SNW1: variants seen among roughly 807,000 people sequenced by gnomAD.
SNW1 encodes SNW domain-containing protein 1.
SNW1 carries 9 observed loss-of-function variants against 75.6 expected under a neutral mutation model. The observed-to-expected ratio is 0.12, with a 90% CI of 0.07 to 0.21. SNW1 has a LOEUF of 0.21. SNW1 is among the 10% of genes least tolerant of loss of function. The pLI is 1.00. For missense variants in SNW1, 409 were observed against 670.9 expected (o/e 0.61, Z 4.31); for synonymous variants, 200 against 219.1 (o/e 0.91, Z 0.77).
intron 10 of SNW1, among the ~76,000 whole-genome samples, chr14:77,728,607 A>G (rs1566828132): frequency 6.6e-6 from 1 of 152,136 alleles, no homozygotes. Flanking sequence ...ATTTATATCT[A>G]TCTTCATTTT....
chr14:77,761,048 A>AAGAGAAATGAAGAAGACTGG, intron 1 of SNW1, 66 bp downstream of exon 1: 1 of 1,614,158 alleles, frequency 6.2e-7, no homozygotes, highest in Non-Finnish European at 8.5e-7. Flanking sequence ...AGGGTATGGG[A>AAGAGAAATGAAGAAGACTGG]AGAGAAATGA....
intron 11 of SNW1, among the ~76,000 whole-genome samples, chr14:77,722,221 A>G (rs1309765097): frequency 6.6e-6 from 1 of 152,168 alleles, no homozygotes; most frequent in East Asian, 1.9e-4. Context: ...TTTAGTCCTC[A>G]GCCTTTGGTG....
At chr14:77,722,947 C>A in intron 11 of SNW1, 1 of 488,692 alleles carries the variant, frequency 2.0e-6, no homozygotes, top group East Asian at 4.2e-5. Context: ...CGGGTTCACG[C>A]CATTCTCCTG....
chr14:77,718,492 A>C lies in SNW1; in HGVS notation c.1287T>G (p.Ile429Met). Reference sequence around the variant, plus strand: ...TCCAGGCTTGATCATAAACATTATAAATTTCATCTTCTCCACCTGCAAATC... The same window carrying C: ...TCCAGGCTTGATCATAAACATTATACATTTCATCTTCTCCACCTGCAAATC... ...DSGFAGGEDE[I>M]YNVYDQAWRG... is the part of the protein sequence containing the mutation. The change falls in exon 13 of 14, where the codon ATT becomes ATG. Residue 429 changes from isoleucine (I) to methionine (M), a missense_variant. Transcript: ENST00000261531. 6.2e-7 allele frequency: 1 copy of C among 1,613,334 alleles called. No homozygotes were observed. Among genetic ancestry groups the C allele is most frequent in the Non-Finnish European group, 8.5e-7 (1 of 1,179,498 alleles).
At chr14:77,749,705 T>A (rs190171023) in intron 3 of SNW1, among the ~76,000 whole-genome samples, 2 of 152,264 alleles carry the variant, frequency 1.3e-5, no homozygotes, top group Non-Finnish European at 2.9e-5. Context: ...AGTTCAAGGT[T>A]GCAATGAATT....
At chr14:77,721,556 C>T (rs964053897) in intron 11 of SNW1, among the ~76,000 whole-genome samples, 1 of 152,122 alleles carries the variant, frequency 6.6e-6, no homozygotes, top group African/African-American at 2.4e-5. Flanking sequence ...ACTTTTACAA[C>T]TTAGGAATTA....
At chr14:77,724,611 T>G (rs2080570194) in intron 10 of SNW1, among the ~76,000 whole-genome samples, 1 of 152,234 alleles carries the variant, frequency 6.6e-6, no homozygotes, top group Admixed American at 6.5e-5. Flanking sequence ...GATTCAGTAT[T>G]CGTTTTTCTG....
chr14:77,751,909 G>GC (rs780182382), intron 2 of SNW1, among the ~76,000 whole-genome samples: 16 of 151,918 alleles, frequency 1.1e-4, no homozygotes, highest in African/African-American at 2.2e-4. Flanking sequence ...AGGCCCTGCT[G>GC]CAAGAATGAG....
intron 10 of SNW1, among the ~76,000 whole-genome samples, chr14:77,724,705 A>G (rs1041570861): frequency 2.0e-5 from 3 of 152,212 alleles, no homozygotes; most frequent in Admixed American, 2.0e-4. Flanking sequence ...ATGGCTGAGT[A>G]ATATCCCATT....
At position 77,720,431 on chromosome 14, in the gene SNW1, G is replaced by A. The variant is rs958785759; in HGVS notation, c.1248+280C>T. 4 of 690,278 alleles carry A rather than the reference G, an allele frequency of 5.8e-6. No homozygotes were observed. The African/African-American group carries it at 7.1e-5, about 12-fold the overall frequency. The allele number at this position is 690,278 out of a possible 1,614,324, so 42.8% of individuals were successfully genotyped here. A position where few individuals can be genotyped will look rare whatever the true frequency, so the allele number is the denominator to read the frequency against. On this transcript the variant is annotated intron_variant, in intron 12 of 13. Coordinates refer to ENST00000261531, the MANE Select transcript of SNW1 (RefSeq NM_012245.3). ...ATTACAGGCAAAAGCCACCATGCCT[G>A]GCCTCCCTGGTTCTATTTTAGAAAC...
intron 11 of SNW1, chr14:77,722,519 C>T (rs1205806288): frequency 6.6e-6 from 3 of 454,478 alleles, no homozygotes; most frequent in Admixed American, 2.4e-5. Flanking sequence ...GGCACATAAT[C>T]CATTTATCTC....
intron 1 of SNW1, among the ~76,000 whole-genome samples, chr14:77,758,275 T>G (rs763958297): frequency 4.8e-5 from 6 of 123,836 alleles, no homozygotes; most frequent in Non-Finnish European, 4.7e-5. Context: ...CTGAGATTGC[T>G]CCACTGCACT....
At chr14:77,755,197 A>G in intron 1 of SNW1, 77 bp from the exon 2 acceptor site, 1 of 1,322,454 alleles carries the variant, frequency 7.6e-7, no homozygotes, top group Non-Finnish European at 1.0e-6. Context: ...TTGGCCACAG[A>G]GACAATTTTT....
At chr14:77,737,227 G>A in intron 5 of SNW1, 152 bp from the exon 6 acceptor site, 1 of 580,526 alleles carries the variant, frequency 1.7e-6, no homozygotes. Flanking sequence ...AAAGCAGACA[G>A]CAAGAGGGAT....
At chr14:77,758,732 A>C (rs2080862079) in intron 1 of SNW1, among the ~76,000 whole-genome samples, 1 of 152,246 alleles carries the variant, frequency 6.6e-6, no homozygotes, top group Admixed American at 6.5e-5. Context: ...GATAGAGTAT[A>C]AAATTAAAAC....
chr14:77,736,597 T>C (rs2080674738), intron 6 of SNW1, among the ~76,000 whole-genome samples: 1 of 148,496 alleles, frequency 6.7e-6, no homozygotes, highest in Non-Finnish European at 1.5e-5. Flanking sequence ...GGCAGCTTTA[T>C]TGAGATAATT....
chr14:77,726,339 A>C (rs1287224212), intron 10 of SNW1, among the ~76,000 whole-genome samples: 1 of 152,098 alleles, frequency 6.6e-6, no homozygotes, highest in African/African-American at 2.4e-5. Flanking sequence ...TTTTCTTTTA[A>C]AAAGAGATAG....
chr14:77,748,281 G>C (rs981790505), intron 3 of SNW1, among the ~76,000 whole-genome samples: 1 of 152,088 alleles, frequency 6.6e-6, no homozygotes, highest in Non-Finnish European at 1.5e-5. Context: ...GCGGAAGGCC[G>C]CAGGGTCCTC....
intron 3 of SNW1, among the ~76,000 whole-genome samples, chr14:77,748,839 A>G (rs1475320621): frequency 6.6e-6 from 1 of 152,110 alleles, no homozygotes; most frequent in Non-Finnish European, 1.5e-5. Flanking sequence ...CACCCACCTC[A>G]GTCTCCCAAA....
Sources: allele counts gnomAD v4.1 joint callset (sites outside exome capture counted in the v4.1 genomes callset), GRCh38; gene constraint gnomAD v4.1.1; transcripts MANE v1.5; gene names NCBI Gene and HGNC (gene_info 2026-07-23, HGNC 2026-07-21).